The following RGS20 variants were observed in gnomAD, a reference collection of about 807,000 sequenced individuals.
RGS20 encodes regulator of G protein signaling 20.
Under a neutral mutation model 33.6 loss-of-function variants are expected in RGS20, and 30 were observed. That is an observed-to-expected ratio of 0.89 (90% CI 0.67 to 1.21). The LOEUF (loss-of-function observed/expected upper bound fraction) is 1.21. Among genes scored for constraint, RGS20 ranks in the 50% most tolerant of loss-of-function variants. The probability of loss-of-function intolerance (pLI) is 0.00; values close to 1 mark genes in which losing one functional copy is unlikely to be tolerated. For synonymous variants in RGS20, 208 were observed against 197.9 expected (o/e 1.05, Z -0.43); for missense variants, 472 against 502.4 (o/e 0.94, Z 0.58).
At chr8:53,957,229 C>G (rs1230964138) in intron 5 of RGS20, among the ~76,000 whole-genome samples, 1 of 152,160 alleles carries the variant, frequency 6.6e-6, no homozygotes, top group Admixed American at 6.5e-5. Context: ...CAGGTTCAAG[C>G]GATTCTCCTG....
At chr8:53,946,067 T>C (rs1369564984) in intron 3 of RGS20, among the ~76,000 whole-genome samples, 1 of 152,234 alleles carries the variant, frequency 6.6e-6, no homozygotes, top group Non-Finnish European at 1.5e-5. Flanking sequence ...TTATGCACTT[T>C]ATTTTTCTCT....
chr8:53,895,066 C>T (rs1277233462), intron 2 of RGS20, among the ~76,000 whole-genome samples: 3 of 151,986 alleles, frequency 2.0e-5, no homozygotes, highest in East Asian at 1.9e-4. Context: ...TCGTAGCCAT[C>T]GAGACAAGAG....
At chr8:53,874,557 T>C (rs1452502229) in intron 1 of RGS20, among the ~76,000 whole-genome samples, 1 of 152,242 alleles carries the variant, frequency 6.6e-6, no homozygotes, top group Non-Finnish European at 1.5e-5. Flanking sequence ...GCAGTCTTCA[T>C]TCTGAAGTCC....
chr8:53,944,787 C>G (rs1323826720), intron 3 of RGS20, among the ~76,000 whole-genome samples: 1 of 152,048 alleles, frequency 6.6e-6, no homozygotes, highest in Non-Finnish European at 1.5e-5. Context: ...GCAAATAAAT[C>G]AATTTAGAAA....
Position 53,946,578 on chromosome 8 carries a change from G to T in RGS20, c.660-87G>T, listed in dbSNP as rs1333563490. ...GGAAGAAATTCTATTAATACTTGGG[G>T]ATCTGAAGTTCTCTTTAAAGTATTT... On this transcript the variant is annotated intron_variant, in intron 3 of 5. Coordinates refer to ENST00000297313, the MANE Select transcript of RGS20 (RefSeq NM_170587.4). 5 of 1,067,118 alleles carry T rather than the reference G, an allele frequency of 4.7e-6. No homozygotes were observed. The Admixed American group carries it at 9.0e-5, about 19-fold the overall frequency. 66.1% of individuals were successfully genotyped at this position (1,067,118 alleles called of 1,614,324 possible).
intron 2 of RGS20, among the ~76,000 whole-genome samples, chr8:53,912,175 C>T (rs570729373): frequency 6.6e-6 from 1 of 152,150 alleles, no homozygotes; most frequent in South Asian, 2.1e-4. Context: ...AGTGCTTCAC[C>T]AGTATCGCCT....
At chr8:53,867,054 C>T (rs376243074) in intron 1 of RGS20, among the ~76,000 whole-genome samples, 22 of 152,140 alleles carry the variant, frequency 1.4e-4, no homozygotes, top group African/African-American at 3.6e-4. Flanking sequence ...GAGGCCCAGG[C>T]GAGTACAGAG....
intron 2 of RGS20, among the ~76,000 whole-genome samples, chr8:53,919,475 G>A (rs1165690844): frequency 6.6e-6 from 1 of 151,794 alleles, no homozygotes; most frequent in Admixed American, 6.6e-5. Context: ...CTGAGTAGCT[G>A]GGATTACAGG....
Position 53,879,446 on chromosome 8 carries a change from G to A in RGS20, c.354G>A (p.Arg118=), listed in dbSNP as rs1812291886. The A allele has an allele frequency of 1.2e-6, 2 of 1,600,230 alleles. No individual in the cohort carries two copies. The highest frequency in any genetic ancestry group is 8.5e-7 in the Non-Finnish European group (1 of 1,174,640). The change falls in exon 2 of 6, where the codon AGG becomes AGA. Residue 118 remains arginine (R), a synonymous_variant. Coordinates refer to ENST00000297313, the MANE Select transcript of RGS20 (RefSeq NM_170587.4). Reference sequence around the variant, plus strand: ...CCCTGCCGGCCGCCCGGCTCTCGAGGGGGCACGAGGAGCTGCCGGGCCGCC... The same window carrying A: ...CCCTGCCGGCCGCCCGGCTCTCGAGAGGGCACGAGGAGCTGCCGGGCCGCC...
chr8:53,945,604 A>C (rs1263558944), intron 3 of RGS20, among the ~76,000 whole-genome samples: 4 of 152,174 alleles, frequency 2.6e-5, no homozygotes, highest in Non-Finnish European at 5.9e-5. Context: ...CGGCATATGA[A>C]TGATAGCTCA....
At chr8:53,884,189 G>GTTTTTTTT (rs1563361573) in intron 2 of RGS20, among the ~76,000 whole-genome samples, 3 of 122,872 alleles carry the variant, frequency 2.4e-5, no homozygotes, top group African/African-American at 1.3e-4. Context: ...TAGAAAAACA[G>GTTTTTTTT]TCTTTTTTTT....
At chr8:53,935,794 A>G (rs571666945) in intron 2 of RGS20, among the ~76,000 whole-genome samples, 2 of 152,266 alleles carry the variant, frequency 1.3e-5, no homozygotes, top group South Asian at 4.1e-4. Context: ...AGACACAACA[A>G]AAAAAGAAAA....
At chr8:53,881,127 C>A in intron 2 of RGS20, 43 bp downstream of exon 1, 2 of 1,418,566 alleles carry the variant, frequency 1.4e-6, no homozygotes, top group Non-Finnish European at 1.9e-6. Context: ...TCGTCTCGGG[C>A]TCGCCCTGAG....
chr8:53,906,190 C>T (rs1239625960), intron 2 of RGS20, among the ~76,000 whole-genome samples: 2 of 152,016 alleles, frequency 1.3e-5, no homozygotes, highest in Non-Finnish European at 2.9e-5. Context: ...CTGAGGCGGG[C>T]GGATCACGAC....
chr8:53,926,465 T>G (rs1813799477), intron 2 of RGS20, among the ~76,000 whole-genome samples: 1 of 150,786 alleles, frequency 6.6e-6, no homozygotes, highest in Non-Finnish European at 1.5e-5. Context: ...CCTTAAGAGA[T>G]AAGAGATTTT....
At chr8:53,917,384 GGT>G (rs1813520769) in intron 2 of RGS20, among the ~76,000 whole-genome samples, 1 of 151,990 alleles carries the variant, frequency 6.6e-6, no homozygotes, top group South Asian at 2.1e-4. Flanking sequence ...CCTGACCTCA[GGT>G]GATCCGCCTG....
At chr8:53,942,213 C>T (rs778484939) in intron 3 of RGS20, among the ~76,000 whole-genome samples, 5 of 151,880 alleles carry the variant, frequency 3.3e-5, no homozygotes, top group East Asian at 1.9e-4. Flanking sequence ...GCAGAGGTTT[C>T]GGTGAGCCGA....
chr8:53,945,909 A>C (rs987823785), intron 3 of RGS20, among the ~76,000 whole-genome samples: 1 of 152,214 alleles, frequency 6.6e-6, no homozygotes, highest in Non-Finnish European at 1.5e-5. Flanking sequence ...AATAGCATTC[A>C]TATTACAACA....
intron 2 of RGS20, among the ~76,000 whole-genome samples, chr8:53,929,123 G>C (rs1813883009): frequency 6.6e-6 from 1 of 152,202 alleles, no homozygotes; most frequent in Non-Finnish European, 1.5e-5. Context: ...AAGCAGATCA[G>C]TCAGCACCCA....
Sources: gnomAD v4.1 joint callset for allele counts (sites outside exome capture counted in the v4.1 genomes callset) on GRCh38, gnomAD v4.1.1 for gene constraint, MANE v1.5 for transcripts, NCBI Gene and HGNC (gene_info 2026-07-23, HGNC 2026-07-21) for gene names.